The following RAD51B variants were observed in gnomAD, a reference collection of about 807,000 sequenced individuals.
The protein encoded by RAD51B is DNA repair protein RAD51 homolog 2.
RAD51B carries 38 observed loss-of-function variants against 42.2 expected under a neutral mutation model. The observed-to-expected ratio is 0.90, with a 90% CI of 0.70 to 1.18. The LOEUF is 1.18. RAD51B is among the 50% of genes most tolerant of loss of function. The pLI, the probability that RAD51B is intolerant of heterozygous loss-of-function variation, is 0.00. For synonymous variants in RAD51B, 154 were observed against 145.2 expected (o/e 1.06, Z -0.43); for missense variants, 373 against 400.7 (o/e 0.93, Z 0.59).
At chr14:68,490,514 C>T (rs555171540) in intron 10 of RAD51B, among the ~76,000 whole-genome samples, 101 of 152,326 alleles carry the variant, frequency 6.6e-4, no homozygotes, top group Non-Finnish European at 1.2e-3. Flanking sequence ...TGAAAAGATT[C>T]TCTAAGACAT....
intron 8 of RAD51B, among the ~76,000 whole-genome samples, chr14:68,399,835 A>C (rs539354959): frequency 5.9e-5 from 9 of 152,214 alleles, no homozygotes; most frequent in African/African-American, 2.2e-4. Flanking sequence ...AAACTTTGCC[A>C]GGTGTCCCAA....
At chr14:67,829,590 T>C (rs746498004) in intron 3 of RAD51B, among the ~76,000 whole-genome samples, 32 of 152,178 alleles carry the variant, frequency 2.1e-4, no homozygotes, top group Non-Finnish European at 3.5e-4. Context: ...TCATTCATAA[T>C]TTGGCTCTCT....
At chr14:68,125,578 A>G (rs1169888602) in intron 7 of RAD51B, among the ~76,000 whole-genome samples, 1 of 152,214 alleles carries the variant, frequency 6.6e-6, no homozygotes, top group Non-Finnish European at 1.5e-5. Flanking sequence ...GAGCAGTGGC[A>G]GAGCACTTTG....
chr14:68,084,029 A>G (rs1337578285), intron 7 of RAD51B, among the ~76,000 whole-genome samples: 2 of 152,188 alleles, frequency 1.3e-5, no homozygotes, highest in Non-Finnish European at 2.9e-5. Flanking sequence ...ACGTGTGTGC[A>G]TGTTGGGGTA....
At chr14:68,159,179 T>C (rs187234770) in intron 7 of RAD51B, among the ~76,000 whole-genome samples, 1 of 152,248 alleles carries the variant, frequency 6.6e-6, no homozygotes, top group Admixed American at 6.5e-5. Flanking sequence ...AGTTGACAAT[T>C]ATTAAAGCTG....
At chr14:68,221,950 A>G (rs1595568772) in intron 7 of RAD51B, among the ~76,000 whole-genome samples, 3 of 152,236 alleles carry the variant, frequency 2.0e-5, no homozygotes, top group South Asian at 4.1e-4. Context: ...GCTCAACACC[A>G]CTAATTATCA....
intron 7 of RAD51B, among the ~76,000 whole-genome samples, chr14:67,998,656 G>C (rs986160561): frequency 7.2e-5 from 11 of 152,240 alleles, no homozygotes; most frequent in Middle Eastern, 3.4e-3. Context: ...GTATTCTCTG[G>C]GCAGATGGGA....
chr14:68,361,582 TG>T (rs746816094), intron 8 of RAD51B, among the ~76,000 whole-genome samples: 6 of 152,158 alleles, frequency 3.9e-5, no homozygotes, highest in Non-Finnish European at 7.4e-5. Flanking sequence ...GTTTTAGCTA[TG>T]GGGGGTAAGG....
rs931662132 is a variant in RAD51B, at chr14:67,834,176, TTCTC to T, written c.199-898_199-895del. Reference sequence around the variant, plus strand: ...TTAACATTCCTTGGCTTGTGGCTGCTTCTCTCTCTATACCATCTTCACATAACCT... The same window carrying T: ...TTAACATTCCTTGGCTTGTGGCTGCTTCTCTATACCATCTTCACATAACCT... On this transcript the variant is annotated intron_variant, in intron 3 of 10. Coordinates refer to ENST00000471583, the MANE Select transcript of RAD51B (RefSeq NM_133510.4). Among the ~76,000 whole-genome samples, 34 of 152,166 alleles carry T rather than the reference TTCTC, an allele frequency of 2.2e-4. 1 individual carries two copies. Among genetic ancestry groups the T allele is most frequent in the African/African-American group, 7.2e-4 (30 of 41,436 alleles).
intron 10 of RAD51B, among the ~76,000 whole-genome samples, chr14:68,527,827 C>T (rs1386439386): frequency 6.6e-6 from 1 of 152,152 alleles, no homozygotes. Flanking sequence ...CAAGTCAGCT[C>T]ATAAAGTATG....
At chr14:68,164,753 C>G (rs2078715393) in intron 7 of RAD51B, among the ~76,000 whole-genome samples, 1 of 152,164 alleles carries the variant, frequency 6.6e-6, no homozygotes, top group South Asian at 2.1e-4. Flanking sequence ...GGAAAAATAA[C>G]CCTTACCAAA....
chr14:68,104,409 A>C (rs2077342383), intron 7 of RAD51B, among the ~76,000 whole-genome samples: 1 of 152,172 alleles, frequency 6.6e-6, no homozygotes, highest in Non-Finnish European at 1.5e-5. Flanking sequence ...AGTTGTCAAA[A>C]GTTTCTGAAG....
In RAD51B at chr14:68,265,449, A is replaced by G. The variant is rs143011775; in HGVS notation, c.757-26435A>G. On this transcript the variant is annotated intron_variant, in intron 7 of 10. Transcript: ENST00000471583. ...TCCCAGACCAGTGGGGCAGACTGGTATAAAAATAACTAACTGTCGGCCAGG... is the reference window on the plus strand; with the variant it reads ...TCCCAGACCAGTGGGGCAGACTGGTGTAAAAATAACTAACTGTCGGCCAGG... 1.6e-4 allele frequency among the ~76,000 whole-genome samples: 24 copies of G among 152,288 alleles called. No homozygotes were observed. In the East Asian group the frequency reaches 2.7e-3, roughly 17 times the overall value.
intron 7 of RAD51B, among the ~76,000 whole-genome samples, chr14:68,105,959 A>T (rs2077371444): frequency 6.6e-6 from 1 of 151,954 alleles, no homozygotes; most frequent in African/African-American, 2.4e-5. Context: ...ATTAGTTAGT[A>T]ATGACTAGTG....
intron 9 of RAD51B, among the ~76,000 whole-genome samples, chr14:68,425,979 C>CTTTCTCTTTCTTT (rs1555408046): frequency 1.7e-5 from 1 of 58,746 alleles, no homozygotes; most frequent in African/African-American, 5.0e-5. Flanking sequence ...TTTCTTTCTT[C>CTTTCTCTTTCTTT]CTTCCTTCCT....
chr14:68,291,931 T>G lies in RAD51B; in HGVS notation c.804T>G (p.Ala268=). 2 of 1,613,990 alleles carry G rather than the reference T, an allele frequency of 1.2e-6. No individual in the cohort carries two copies. The highest frequency in any genetic ancestry group is 1.7e-6 in the Non-Finnish European group (2 of 1,179,866). The change falls in exon 8 of 11, where the codon GCT becomes GCG. Residue 268 remains alanine (A), a synonymous_variant. Transcript: ENST00000471583. ...QITTHLSGAL[A]SQADLVSPAD... ...CAACCCATCTGAGTGGAGCCCTGGC[T>G]TCTCAGGCAGACCTGGTGTCTCCAG...
At chr14:68,498,983 G>C (rs1167758268) in intron 10 of RAD51B, among the ~76,000 whole-genome samples, 1 of 152,198 alleles carries the variant, frequency 6.6e-6, no homozygotes, top group Non-Finnish European at 1.5e-5. Context: ...ATAGACAACA[G>C]GGGTCAGAGA....
chr14:68,046,072 G>T lies in RAD51B; in HGVS notation c.756+158868G>T, dbSNP rs183256553. On this transcript the variant is annotated intron_variant, in intron 7 of 10. Coordinates refer to ENST00000471583, the MANE Select transcript of RAD51B (RefSeq NM_133510.4). The stretch of plus-strand genomic sequence containing the variant: ...CTCATTCTAGTGAGGAAGGTTCTAT[G>T]AAGTAGATAGTTCATCTTGTAGACT... Among the ~76,000 whole-genome samples, 66 of 152,228 alleles carry T rather than the reference G, an allele frequency of 4.3e-4. 1 individual carries two copies. In the East Asian group the frequency reaches 0.012, roughly 27 times the overall value.
At chr14:68,441,170 A>G (rs563132400) in intron 9 of RAD51B, among the ~76,000 whole-genome samples, 4 of 152,220 alleles carry the variant, frequency 2.6e-5, no homozygotes, top group Non-Finnish European at 5.9e-5. Context: ...TCATTAGCCT[A>G]CAAGGGAGCC....
Sources: gnomAD v4.1 joint callset for allele counts (sites outside exome capture counted in the v4.1 genomes callset) on GRCh38, gnomAD v4.1.1 for gene constraint, MANE v1.5 for transcripts, NCBI Gene and HGNC (gene_info 2026-07-23, HGNC 2026-07-21) for gene names.